Variants in SLC2A9 observed in about 807,000 individuals in gnomAD.
The protein encoded by SLC2A9 is solute carrier family 2, facilitated glucose transporter member 9.
In SLC2A9, 39 loss-of-function variants were observed where a neutral mutation model predicts 50.6. The ratio of observed to expected loss-of-function variants is 0.77; its 90% CI spans 0.60 to 1.01. SLC2A9 has a LOEUF of 1.01. Among genes scored for constraint, SLC2A9 ranks in the 50% least tolerant of loss-of-function variants. SLC2A9 has a pLI of 0.00. For synonymous variants in SLC2A9, 324 were observed against 276.9 expected (o/e 1.17, Z -1.69); for missense variants, 686 against 677.6 (o/e 1.01, Z -0.14).
intron 11 of SLC2A9, among the ~76,000 whole-genome samples, chr4:9,833,074 A>G (rs571231244): frequency 7.9e-5 from 12 of 152,220 alleles, no homozygotes; most frequent in Non-Finnish European, 1.5e-4. Flanking sequence ...AACTTTTGCC[A>G]CAATAATGAG....
chr4:9,795,527 G>T (rs1720490464), downstream of SLC2A9, among the ~76,000 whole-genome samples: 2 of 152,170 alleles, frequency 1.3e-5, no homozygotes, highest in African/African-American at 4.8e-5. Flanking sequence ...AGTCTCATAA[G>T]AGCCCCTGGT....
chr4:9,828,851 G>C (rs768958041), intron 11 of SLC2A9, among the ~76,000 whole-genome samples: 2 of 152,188 alleles, frequency 1.3e-5, no homozygotes, highest in Admixed American at 6.5e-5. Context: ...GTAACTATCT[G>C]AAGGCAGGAG....
chr4:9,868,952 G>T (rs1732962631), intron 10 of SLC2A9, among the ~76,000 whole-genome samples: 1 of 152,146 alleles, frequency 6.6e-6, no homozygotes, highest in African/African-American at 2.4e-5. Flanking sequence ...CAAAGTTGCT[G>T]ACATATAAAG....
At chr4:9,801,509 C>T (rs1196184595) in intron 3 of SLC2A9, among the ~76,000 whole-genome samples, 1 of 152,214 alleles carries the variant, frequency 6.6e-6, no homozygotes, top group Non-Finnish European at 1.5e-5. Flanking sequence ...ATGCAGTCAA[C>T]ACTGTAGCTC....
intron 8 of SLC2A9, among the ~76,000 whole-genome samples, chr4:9,900,351 TAA>T (rs1440275541): frequency 1.3e-5 from 2 of 152,014 alleles, no homozygotes; most frequent in Non-Finnish European, 2.9e-5. Flanking sequence ...TGGTGGGAAG[TAA>T]AGACTCAGGA....
intron 3 of SLC2A9, among the ~76,000 whole-genome samples, chr4:9,806,002 G>A (rs1371891415): frequency 6.6e-6 from 1 of 152,170 alleles, no homozygotes; most frequent in South Asian, 2.1e-4. Flanking sequence ...TTGAACCTAG[G>A]CTCTCTGGCT....
chr4:9,876,504 TA>T (rs1353982243), intron 10 of SLC2A9, among the ~76,000 whole-genome samples: 1 of 152,158 alleles, frequency 6.6e-6, no homozygotes, highest in Non-Finnish European at 1.5e-5. Flanking sequence ...GGTGGGAGGA[TA>T]GCCTGAGTCC....
intron 6 of SLC2A9, among the ~76,000 whole-genome samples, chr4:9,931,912 G>GAC (rs1745997385): frequency 2.3e-5 from 1 of 44,202 alleles, no homozygotes; most frequent in Admixed American, 2.7e-4. Context: ...AAATGAGAAT[G>GAC]ACTCTCTCTC....
chr4:10,022,879 G>A (rs2109573991), upstream of SLC2A9, among the ~76,000 whole-genome samples: 1 of 152,286 alleles, frequency 6.6e-6, no homozygotes. Context: ...TCAGGAGTTA[G>A]GTTGGGGATG....
intron 5 of SLC2A9, among the ~76,000 whole-genome samples, chr4:9,968,016 T>C (rs749675419): frequency 7.9e-5 from 12 of 152,140 alleles, no homozygotes; most frequent in Non-Finnish European, 1.5e-4. Flanking sequence ...AAACTAAAAA[T>C]TTGGTCCCTT....
chr4:9,895,970 T>C (rs1169798044), intron 8 of SLC2A9, among the ~76,000 whole-genome samples: 1 of 152,254 alleles, frequency 6.6e-6, no homozygotes, highest in East Asian at 1.9e-4. Context: ...GTATTGCTGA[T>C]CAGTATTCCA....
chr4:9,808,576 G>A (rs1051503159), intron 3 of SLC2A9, among the ~76,000 whole-genome samples: 99 of 152,156 alleles, frequency 6.5e-4, no homozygotes, highest in African/African-American at 2.3e-3. Flanking sequence ...CCAGCCTCTC[G>A]GGATAAATTA....
intron 10 of SLC2A9, among the ~76,000 whole-genome samples, chr4:9,835,340 G>C (rs1726865028): frequency 6.6e-6 from 1 of 152,058 alleles, no homozygotes; most frequent in African/African-American, 2.4e-5. Context: ...TCCATATCCT[G>C]TACAGTGAGA....
At chr4:10,009,722 T>A (rs1222621888) in intron 2 of SLC2A9, 10 of 152,252 alleles carry the variant, frequency 6.6e-5, no homozygotes, top group Admixed American at 6.5e-4. Context: ...TTGTTTCAAA[T>A]AAGTCCTAAT....
chr4:9,782,316 C>T (rs1222072807), intron 3 of SLC2A9: 1 of 1,613,910 alleles, frequency 6.2e-7, no homozygotes, highest in Non-Finnish European at 8.5e-7. Context: ...CTGGTCATGC[C>T]CTGGAAGGCA....
chr4:9,892,568 G>A (rs1284688197), intron 8 of SLC2A9, among the ~76,000 whole-genome samples: 1 of 152,162 alleles, frequency 6.6e-6, no homozygotes, highest in Non-Finnish European at 1.5e-5. Flanking sequence ...CCCAGGACAG[G>A]TTATTCAGCT....
rs6844369 is a variant in SLC2A9, at chr4:9,803,938, T to A, written n.421-4697A>T. On this transcript the variant is annotated intron_variant and non_coding_transcript_variant, in intron 3 of 3. Coordinates refer to the SLC2A9 transcript ENST00000503280. ...TGTTTTTGTTTTGATAAAGCTTAGA[T>A]GAAGTTGTCTAAAGGTTATATCTAT... Among the ~76,000 whole-genome samples the A allele has an allele frequency of 8.6e-3, 1,304 of 152,332 alleles. 14 individuals carry two copies. The highest frequency in any genetic ancestry group is 0.02 in the Middle Eastern group (6 of 294).
chr4:9,952,635 C>G (rs1406990562), intron 5 of SLC2A9, among the ~76,000 whole-genome samples: 1 of 152,006 alleles, frequency 6.6e-6, no homozygotes, highest in Non-Finnish European at 1.5e-5. Context: ...CTAGGCTCCT[C>G]CCACCTTAGC....
intron 10 of SLC2A9, among the ~76,000 whole-genome samples, chr4:9,843,657 C>T (rs1446696009): frequency 6.6e-6 from 1 of 152,154 alleles, no homozygotes; most frequent in Admixed American, 6.5e-5. Context: ...AAAGCAAGGA[C>T]AATGGAATTG....
Sources: gnomAD v4.1 joint callset for allele counts (sites outside exome capture counted in the v4.1 genomes callset) on GRCh38, gnomAD v4.1.1 for gene constraint, MANE v1.5 for transcripts, NCBI Gene and HGNC (gene_info 2026-07-23, HGNC 2026-07-21) for gene names.